MYO1E: variants seen among roughly 807,000 people sequenced by gnomAD.
The protein encoded by MYO1E is unconventional myosin-Ie.
MYO1E carries 68 observed loss-of-function variants against 151.1 expected under a neutral mutation model. That is an observed-to-expected ratio of 0.45 (90% CI 0.37 to 0.55). MYO1E has a LOEUF of 0.55. Ranked by LOEUF, MYO1E falls within the 20% of genes least tolerant of loss-of-function variation. The pLI is 0.00. For missense variants in MYO1E, 1,363 were observed against 1,389.3 expected (o/e 0.98, Z 0.30); for synonymous variants, 601 against 501.7 (o/e 1.20, Z -2.64).
At chr15:59,278,464 A>G (rs1434775340) in intron 1 of MYO1E, among the ~76,000 whole-genome samples, 2 of 152,182 alleles carry the variant, frequency 1.3e-5, no homozygotes, top group African/African-American at 4.8e-5. Flanking sequence ...CATTTCTGCC[A>G]TTTTACTGGA....
chr15:59,280,915 G>A (rs1277415475), intron 1 of MYO1E, among the ~76,000 whole-genome samples: 1 of 152,080 alleles, frequency 6.6e-6, no homozygotes, highest in East Asian at 1.9e-4. Context: ...CTTTACTGGT[G>A]AGGCTGATGA....
At chr15:59,245,717 GA>G (rs1248425233) in intron 4 of MYO1E, among the ~76,000 whole-genome samples, 1 of 152,174 alleles carries the variant, frequency 6.6e-6, no homozygotes, top group East Asian at 1.9e-4. Flanking sequence ...GGCCAAAAGT[GA>G]TAAGAATTCA....
chr15:59,344,168 A>G (rs1180080744), intron 1 of MYO1E, among the ~76,000 whole-genome samples: 2 of 152,244 alleles, frequency 1.3e-5, no homozygotes, highest in African/African-American at 4.8e-5. Flanking sequence ...CTTTCCAAGT[A>G]TTCAAAGGGA....
At chr15:59,365,554 G>C (rs2080908231) in intron 1 of MYO1E, among the ~76,000 whole-genome samples, 1 of 152,156 alleles carries the variant, frequency 6.6e-6, no homozygotes, top group Admixed American at 6.5e-5. Context: ...AACTAGCTAT[G>C]AGACTTTGGA....
chr15:59,258,082 C>G (rs1270007086), intron 3 of MYO1E, among the ~76,000 whole-genome samples: 2 of 152,174 alleles, frequency 1.3e-5, no homozygotes, highest in African/African-American at 4.8e-5. Flanking sequence ...GGCCCTGGCT[C>G]AGGCCTGTAA....
chr15:59,156,460 T>C (rs1466292263), intron 25 of MYO1E, among the ~76,000 whole-genome samples: 2 of 152,148 alleles, frequency 1.3e-5, no homozygotes, highest in South Asian at 4.1e-4. Flanking sequence ...GCTGGGATTA[T>C]AGGCATGAGC....
intron 1 of MYO1E, among the ~76,000 whole-genome samples, chr15:59,281,824 C>A (rs139357623): frequency 2.2e-4 from 34 of 152,122 alleles, no homozygotes; most frequent in African/African-American, 7.7e-4. Flanking sequence ...GTAAGCCGGT[C>A]GCGGTGGCTC....
chr15:59,358,045 T>C (rs1195397619), intron 1 of MYO1E, among the ~76,000 whole-genome samples: 2 of 152,220 alleles, frequency 1.3e-5, no homozygotes, highest in African/African-American at 4.8e-5. Flanking sequence ...CAACTGACAC[T>C]TAAATACAAC....
At chr15:59,282,283 G>C (rs753221523) in intron 1 of MYO1E, among the ~76,000 whole-genome samples, 1 of 152,146 alleles carries the variant, frequency 6.6e-6, no homozygotes, top group Non-Finnish European at 1.5e-5. Context: ...TGAATTCCCT[G>C]CACTTTCCAT....
chr15:59,276,269 A>G (rs1185813797), intron 1 of MYO1E, among the ~76,000 whole-genome samples: 1 of 152,044 alleles, frequency 6.6e-6, no homozygotes, highest in Non-Finnish European at 1.5e-5. Flanking sequence ...TTGGGCTACT[A>G]CTTCATGACT....
At chr15:59,314,658 T>C (rs2140412999) in intron 1 of MYO1E, among the ~76,000 whole-genome samples, 1 of 152,106 alleles carries the variant, frequency 6.6e-6, no homozygotes, top group Middle Eastern at 3.4e-3. Context: ...CCAGAGGACA[T>C]TTGGCAGAAT....
chr15:59,149,482 G>A (rs16941067), intron 26 of MYO1E, among the ~76,000 whole-genome samples: 30 of 152,220 alleles, frequency 2.0e-4, no homozygotes, highest in African/African-American at 6.7e-4. Flanking sequence ...TGATTCCCAC[G>A]CAGATCTCTC....
intron 4 of MYO1E, among the ~76,000 whole-genome samples, chr15:59,242,688 C>G (rs1219532219): frequency 1.3e-5 from 2 of 152,150 alleles, no homozygotes; most frequent in Admixed American, 1.3e-4. Context: ...AGGATGTTGT[C>G]ATGATCTGAG....
intron 14 of MYO1E, among the ~76,000 whole-genome samples, chr15:59,206,012 C>A (rs187326558): frequency 5.9e-5 from 9 of 152,190 alleles, no homozygotes; most frequent in Admixed American, 2.0e-4. Flanking sequence ...AACAAGAGAT[C>A]AGCTGGGATG....
chr15:59,348,040 A>AG (rs1406505517), intron 1 of MYO1E, among the ~76,000 whole-genome samples: 1 of 152,220 alleles, frequency 6.6e-6, no homozygotes, highest in Non-Finnish European at 1.5e-5. Flanking sequence ...GGTGAAAAAC[A>AG]GATTTTGAAG....
At chr15:59,366,606 T>G (rs569782907) in intron 1 of MYO1E, among the ~76,000 whole-genome samples, 1 of 152,196 alleles carries the variant, frequency 6.6e-6, no homozygotes, top group Admixed American at 6.5e-5. Context: ...GCGGGCCAAC[T>G]TCATTCACAT....
intron 1 of MYO1E, among the ~76,000 whole-genome samples, chr15:59,286,384 C>G (rs995654196): frequency 6.6e-6 from 1 of 152,174 alleles, no homozygotes; most frequent in African/African-American, 2.4e-5. Context: ...TGAATAAGAA[C>G]TCAATTTTTA....
intron 1 of MYO1E, among the ~76,000 whole-genome samples, chr15:59,277,351 C>T (rs1286216781): frequency 2.6e-5 from 4 of 152,070 alleles, no homozygotes; most frequent in African/African-American, 9.7e-5. Flanking sequence ...TCAAGACCAT[C>T]CCAGCCAACA....
intron 1 of MYO1E, among the ~76,000 whole-genome samples, chr15:59,369,521 C>A (rs1025406856): frequency 2.0e-5 from 3 of 152,122 alleles, no homozygotes; most frequent in Admixed American, 1.3e-4. Flanking sequence ...CCAGATTCTA[C>A]GAAGGAAGCC....
Sources: allele counts gnomAD v4.1 joint callset (sites outside exome capture counted in the v4.1 genomes callset), GRCh38; gene constraint gnomAD v4.1.1; transcripts MANE v1.5; gene names NCBI Gene and HGNC (gene_info 2026-07-23, HGNC 2026-07-21).